Variants in NAA15 observed in about 807,000 individuals in gnomAD.
NAA15 encodes the protein N-alpha-acetyltransferase 15, NatA auxiliary subunit.
A neutral mutation model predicts 114.0 loss-of-function variants in NAA15; 34 were observed. That is an observed-to-expected ratio of 0.30 (90% CI 0.23 to 0.40). The LOEUF is 0.40. Ranked by LOEUF, NAA15 falls within the 10% of genes least tolerant of loss-of-function variation. NAA15 has a pLI of 1.00. For synonymous variants in NAA15, 340 were observed against 338.0 expected (o/e 1.01, Z -0.06); for missense variants, 658 against 1,004.5 (o/e 0.66, Z 4.66).
At chr4:139,347,837 C>T (rs1435653903) in intron 6 of NAA15, among the ~76,000 whole-genome samples, 1 of 149,056 alleles carries the variant, frequency 6.7e-6, no homozygotes, top group Non-Finnish European at 1.5e-5. Context: ...TCGAGACCAT[C>T]CTGGCTAACA....
At chr4:139,335,175 T>A (rs953886679) in intron 2 of NAA15, among the ~76,000 whole-genome samples, 2 of 152,002 alleles carry the variant, frequency 1.3e-5, no homozygotes, top group African/African-American at 2.4e-5. Context: ...AACATATATT[T>A]AAAAAAACAA....
Position 139,358,191 on chromosome 4 carries a change from G to GTTTT in NAA15, c.1257+646_1257+649dup, listed in dbSNP as rs200019923. Among the ~76,000 whole-genome samples, 21 of 143,576 alleles carry GTTTT rather than the reference G, an allele frequency of 1.5e-4. No individual in the cohort carries two copies. In the South Asian group the frequency reaches 4.1e-3, roughly 28 times the overall value. 94.2% of individuals were successfully genotyped at this position (143,576 alleles called of 152,430 possible). On this transcript the variant is annotated intron_variant, in intron 11 of 19. Coordinates refer to ENST00000296543, the MANE Select transcript of NAA15 (RefSeq NM_057175.5). The stretch of plus-strand genomic sequence containing the variant: ...AGTTTTTTTGTTTGTTTTTGTTTTT[G>GTTTT]TTTTTTTTTTTTTGAGAGAGAGAAA...
rs1178924964 is a variant in NAA15 at position 139,354,627 on chromosome 4, T to C, written c.1087+529T>C. Among the ~76,000 whole-genome samples, 4 of 152,190 alleles carry C rather than the reference T, an allele frequency of 2.6e-5. No homozygotes were observed. The East Asian group carries it at 7.7e-4, about 29-fold the overall frequency. ...CATTAGTTTATTGAAAAGAATGTTA[T>C]GTAAAATTTTAAAAACATCTACAAA... is the stretch of plus-strand genomic sequence containing the variant. On this transcript the variant is annotated intron_variant, in intron 10 of 19. Transcript: ENST00000296543.
intron 1 of NAA15, among the ~76,000 whole-genome samples, chr4:139,328,960 C>G (rs1240223613): frequency 6.6e-6 from 1 of 151,756 alleles, no homozygotes; most frequent in African/African-American, 2.4e-5. Context: ...ACCTCCACCT[C>G]CCAGGTTCAA....
At chr4:139,337,052 C>T in intron 3 of NAA15, 100 bp downstream of exon 3, 2 of 592,344 alleles carry the variant, frequency 3.4e-6, no homozygotes, top group East Asian at 6.4e-5. Context: ...TGTGCTATTA[C>T]AGAGGAAATT....
Position 139,388,801 on chromosome 4 carries a change from C to A in NAA15, c.*717C>A, listed in dbSNP as rs1015012137. ...TCAATTTTAACTAAAACTTGAAGAA[C>A]TAAAACAACAATGCAAACCTTTCAG... is the stretch of plus-strand genomic sequence containing the variant. On this transcript the variant is annotated 3_prime_UTR_variant, in exon 20 of 20. Transcript: ENST00000296543. 6.6e-6 allele frequency: 1 copy of A among 152,576 alleles called. No individual in the cohort carries two copies. Among genetic ancestry groups the A allele is most frequent in the African/African-American group, 2.4e-5 (1 of 41,432 alleles). The allele number at this position is 152,576 out of a possible 1,614,324, so 9.5% of individuals were successfully genotyped here.
chr4:139,356,783 CATG>C (rs1183948802), intron 10 of NAA15, among the ~76,000 whole-genome samples: 1 of 152,044 alleles, frequency 6.6e-6, no homozygotes. Context: ...AAAATTAAAT[CATG>C]AACTAAAATA....
intron 13 of NAA15, among the ~76,000 whole-genome samples, chr4:139,361,271 T>A (rs1374778387): frequency 6.6e-6 from 1 of 152,134 alleles, no homozygotes; most frequent in Non-Finnish European, 1.5e-5. Context: ...CTTTTCCACA[T>A]ACCAGCATCA....
At chr4:139,372,664 T>C (rs1435986470) in intron 15 of NAA15, among the ~76,000 whole-genome samples, 1 of 152,130 alleles carries the variant, frequency 6.6e-6, no homozygotes, top group African/African-American at 2.4e-5. Flanking sequence ...AGTGGCTTTG[T>C]AGGTTATTTT....
At chr4:139,324,213 C>T (rs1303760978) in intron 1 of NAA15, among the ~76,000 whole-genome samples, 2 of 152,194 alleles carry the variant, frequency 1.3e-5, no homozygotes, top group East Asian at 3.8e-4. Context: ...TTCTTTGCTT[C>T]ATTGTTTCTA....
intron 1 of NAA15, among the ~76,000 whole-genome samples, chr4:139,311,737 C>CG (rs1192160545): frequency 6.6e-6 from 1 of 151,754 alleles, no homozygotes; most frequent in African/African-American, 2.4e-5. Context: ...GATTCTGACA[C>CG]GAAGTCAGGG....
intron 17 of NAA15, 58 bp from the exon 18 acceptor site, chr4:139,384,774 C>G (rs1748849755): frequency 1.7e-6 from 2 of 1,170,292 alleles, no homozygotes; most frequent in Non-Finnish European, 2.3e-6. Flanking sequence ...CAAAAATAAA[C>G]TTTTGTAAAC....
intron 14 of NAA15, among the ~76,000 whole-genome samples, chr4:139,365,743 C>T (rs987888143): frequency 6.6e-6 from 1 of 151,994 alleles, no homozygotes; most frequent in Non-Finnish European, 1.5e-5. Flanking sequence ...TCTAGCTACT[C>T]AGGAGGCAGG....
At chr4:139,321,746 G>A (rs1391224530) in intron 1 of NAA15, among the ~76,000 whole-genome samples, 1 of 150,956 alleles carries the variant, frequency 6.6e-6, no homozygotes, top group East Asian at 1.9e-4. Flanking sequence ...GCCTCCCAAA[G>A]TGCTGGGATT....
At chr4:139,315,542 A>G (rs1252839017) in intron 1 of NAA15, among the ~76,000 whole-genome samples, 3 of 150,686 alleles carry the variant, frequency 2.0e-5, no homozygotes, top group Non-Finnish European at 3.0e-5. Flanking sequence ...CAACAACAAC[A>G]ACGACTCGGC....
intron 1 of NAA15, among the ~76,000 whole-genome samples, chr4:139,309,466 TG>T (rs1364779722): frequency 7.1e-6 from 1 of 141,258 alleles, no homozygotes; most frequent in East Asian, 2.1e-4. Context: ...TGTGTGTGTG[TG>T]TGTCCAGGAT....
chr4:139,313,488 G>A (rs1347180040), intron 1 of NAA15, among the ~76,000 whole-genome samples: 1 of 151,388 alleles, frequency 6.6e-6, no homozygotes, highest in East Asian at 1.9e-4. Flanking sequence ...ACTCCCTTAA[G>A]GAAATTGTAA....
Position 139,344,343 on chromosome 4 carries a change from T to C in NAA15, c.691+4T>C. The C allele has an allele frequency of 6.3e-7, 1 of 1,599,810 alleles. No individual in the cohort carries two copies. The highest frequency in any genetic ancestry group is 8.5e-7 in the Non-Finnish European group (1 of 1,173,100). On this transcript the variant is annotated splice_donor_region_variant and intron_variant, in intron 6 of 19. Coordinates refer to ENST00000296543, the MANE Select transcript of NAA15 (RefSeq NM_057175.5). ...CTTGCTGTAGAAGAAACCAAAGGTA[T>C]TTTTAAAAGAATTGTCATTTATTCT...
At chr4:139,325,791 G>C (rs1393165489) in intron 1 of NAA15, among the ~76,000 whole-genome samples, 1 of 152,124 alleles carries the variant, frequency 6.6e-6, no homozygotes, top group East Asian at 1.9e-4. Flanking sequence ...AGGGAGTACA[G>C]GCATGCCACC....
Sources: gnomAD v4.1 joint callset for allele counts (sites outside exome capture counted in the v4.1 genomes callset) on GRCh38, gnomAD v4.1.1 for gene constraint, MANE v1.5 for transcripts, NCBI Gene and HGNC (gene_info 2026-07-23, HGNC 2026-07-21) for gene names.